The following SPATS2 variants were observed in gnomAD, a reference collection of about 807,000 sequenced individuals.
SPATS2 encodes spermatogenesis associated serine rich 2.
In SPATS2, 38 loss-of-function variants were observed where a neutral mutation model predicts 63.7. The observed-to-expected ratio is 0.60, with a 90% confidence interval of 0.46 to 0.78. The LOEUF is 0.78. SPATS2 is among the 30% of genes least tolerant of loss of function. The pLI is 0.00. For missense variants in SPATS2, 588 were observed against 666.2 expected (o/e 0.88, Z 1.29); for synonymous variants, 207 against 232.9 (o/e 0.89, Z 1.01).
At chr12:49,497,224 C>A (rs773698492) in intron 8 of SPATS2, among the ~76,000 whole-genome samples, 1 of 152,140 alleles carries the variant, frequency 6.6e-6, no homozygotes, top group East Asian at 1.9e-4. Flanking sequence ...AATCTACTTA[C>A]GACGGCACGT....
intron 9 of SPATS2, among the ~76,000 whole-genome samples, chr12:49,502,719 A>C (rs1281978021): frequency 1.3e-5 from 2 of 152,086 alleles, no homozygotes; most frequent in African/African-American, 4.8e-5. Flanking sequence ...GGCCTCCCAA[A>C]GTGCTGGGAT....
chr12:49,445,283 T>C (rs1049147924), intron 2 of SPATS2, among the ~76,000 whole-genome samples: 4 of 152,188 alleles, frequency 2.6e-5, no homozygotes, highest in African/African-American at 9.6e-5. Flanking sequence ...TTTCCCCTTT[T>C]TTAAAAACCA....
chr12:49,461,527 T>C (rs1057051518), intron 3 of SPATS2, among the ~76,000 whole-genome samples: 6 of 152,262 alleles, frequency 3.9e-5, no homozygotes, highest in African/African-American at 1.4e-4. Context: ...ACAAAGACTT[T>C]GTAAAACCTT....
chr12:49,423,786 G>GT (rs1050690157), intron 2 of SPATS2, among the ~76,000 whole-genome samples: 2 of 152,072 alleles, frequency 1.3e-5, no homozygotes, highest in Non-Finnish European at 2.9e-5. Context: ...GAATTTTATT[G>GT]TTTTTTTCTG....
intron 2 of SPATS2, among the ~76,000 whole-genome samples, chr12:49,384,089 A>T (rs1360134238): frequency 6.6e-6 from 1 of 152,214 alleles, no homozygotes; most frequent in Admixed American, 6.5e-5. Flanking sequence ...ACACTGGTAC[A>T]CTATTATAGA....
chr12:49,485,860 A>G lies in SPATS2; in HGVS notation c.105+1191A>G, dbSNP rs1183230785. 3.3e-5 allele frequency among the ~76,000 whole-genome samples: 5 copies of G among 151,110 alleles called. No individual in the cohort carries two copies. The East Asian group carries it at 9.8e-4, about 30-fold the overall frequency. On this transcript the variant is annotated intron_variant, in intron 4 of 13. Coordinates refer to ENST00000552918, the MANE Select transcript of SPATS2 (RefSeq NM_023071.4). ...CTTTAGCCTCCACCTCCTGGGTTCA[A>G]GTGATTCTCATCCCCCAGCCTCCTG...
At chr12:49,436,645 C>T (rs1158728293) in intron 2 of SPATS2, among the ~76,000 whole-genome samples, 63 of 125,830 alleles carry the variant, frequency 5.0e-4, no homozygotes, top group African/African-American at 6.9e-4. Context: ...GGCGGCTGGC[C>T]GGGCAGAGGG....
intron 2 of SPATS2, among the ~76,000 whole-genome samples, chr12:49,384,377 T>C (rs921973405): frequency 6.6e-6 from 1 of 152,210 alleles, no homozygotes; most frequent in African/African-American, 2.4e-5. Context: ...TTGTACAACA[T>C]GTATAAGTTG....
intron 2 of SPATS2, among the ~76,000 whole-genome samples, chr12:49,406,252 T>C (rs1944695226): frequency 6.6e-6 from 1 of 152,022 alleles, no homozygotes; most frequent in African/African-American, 2.4e-5. Context: ...ATAAATAATC[T>C]TGGAATGCTA....
chr12:49,467,118 G>A (rs1231536808), intron 3 of SPATS2, among the ~76,000 whole-genome samples: 5 of 135,178 alleles, frequency 3.7e-5, no homozygotes, highest in African/African-American at 1.1e-4. Flanking sequence ...GCACAATCTC[G>A]GCTGACTGCA....
At chr12:49,384,151 G>A (rs2137204955) in intron 2 of SPATS2, among the ~76,000 whole-genome samples, 1 of 152,250 alleles carries the variant, frequency 6.6e-6, no homozygotes, top group African/African-American at 2.4e-5. Context: ...AAATCTCAGA[G>A]ATGGGCTCTT....
At chr12:49,467,864 G>T (rs1945951804) in intron 3 of SPATS2, among the ~76,000 whole-genome samples, 1 of 151,574 alleles carries the variant, frequency 6.6e-6, no homozygotes, top group African/African-American at 2.4e-5. Flanking sequence ...CTCCTGAGTA[G>T]CTGGGACTAC....
intron 2 of SPATS2, among the ~76,000 whole-genome samples, chr12:49,400,152 C>G (rs779844535): frequency 2.6e-5 from 4 of 151,948 alleles, no homozygotes; most frequent in Non-Finnish European, 5.9e-5. Flanking sequence ...AATGTTTTGA[C>G]AAAGTAAGAA....
In SPATS2 at chr12:49,485,197, G is replaced by A. The variant is rs577359395; in HGVS notation, c.105+528G>A. Among the ~76,000 whole-genome samples the A allele has an allele frequency of 6.7e-4, 102 of 151,256 alleles. 1 individual carries two copies. In the South Asian group the frequency reaches 0.021, roughly 31 times the overall value. ...TCTCCTGCCTCAGCCTCTCCAAGTA[G>A]CTGGGACTACAGGCGCCCACCACCA... is the stretch of plus-strand genomic sequence containing the variant. On this transcript the variant is annotated intron_variant, in intron 4 of 13. Coordinates refer to ENST00000552918, the MANE Select transcript of SPATS2 (RefSeq NM_023071.4).
rs565693890 is a variant in SPATS2, at chr12:49,418,054, G to GT, written c.-243-42708dup. Among the ~76,000 whole-genome samples, 45 of 122,410 alleles carry GT rather than the reference G, an allele frequency of 3.7e-4. 1 individual carries two copies. The highest frequency in any genetic ancestry group is 1.5e-3 in the East Asian group (6 of 4,096). 80.3% of individuals were successfully genotyped at this position (122,410 alleles called of 152,430 possible). A position where few individuals can be genotyped will look rare whatever the true frequency, so the allele number is the denominator to read the frequency against. On this transcript the variant is annotated intron_variant, in intron 2 of 13. Coordinates refer to ENST00000552918, the MANE Select transcript of SPATS2 (RefSeq NM_023071.4). ...GCCACCATGCCGGGCTAATTTTTAT[G>GT]TTTTTTTTGTAGAGGTGGGGTTTCA...
At chr12:49,459,174 A>G (rs115311828) in intron 2 of SPATS2, among the ~76,000 whole-genome samples, 3,375 of 152,174 alleles carry the variant, frequency 0.022, 121 homozygotes, top group African/African-American at 0.077. Context: ...TAAGGGGGAT[A>G]ATAAAACTTC....
chr12:49,486,396 G>A (rs1430007231), intron 4 of SPATS2: 1 of 301,508 alleles, frequency 3.3e-6, no homozygotes, highest in Non-Finnish European at 6.6e-6. Context: ...TAGTAGAGAG[G>A]GTGTCACCAT....
chr12:49,517,213 G>C (rs1273549063), intron 10 of SPATS2, among the ~76,000 whole-genome samples: 1 of 152,182 alleles, frequency 6.6e-6, no homozygotes, highest in Admixed American at 6.5e-5. Flanking sequence ...TAAACCAATA[G>C]ATCATTTGTA....
chr12:49,423,033 CTGTTTTA>C (rs940842568), intron 2 of SPATS2, among the ~76,000 whole-genome samples: 7 of 151,982 alleles, frequency 4.6e-5, no homozygotes, highest in Admixed American at 6.6e-5. Context: ...TTACCTTTCT[CTGTTTTA>C]TGTTTTATGT....
Sources: gnomAD v4.1 joint callset for allele counts (sites outside exome capture counted in the v4.1 genomes callset) on GRCh38, gnomAD v4.1.1 for gene constraint, MANE v1.5 for transcripts, NCBI Gene and HGNC (gene_info 2026-07-23, HGNC 2026-07-21) for gene names.